The following CSMD1 variants were observed in gnomAD, a reference collection of about 807,000 sequenced individuals.
CSMD1 encodes CUB and Sushi multiple domains 1, also known as CUB and sushi domain-containing protein 1.
A neutral mutation model predicts 417.5 loss-of-function variants in CSMD1; 213 were observed. The ratio of observed to expected loss-of-function variants is 0.51; its 90% CI spans 0.46 to 0.57. The LOEUF is 0.57. Among genes scored for constraint, CSMD1 ranks in the 20% least tolerant of loss-of-function variants. The pLI is 0.00. For synonymous variants in CSMD1, 2,862 were observed against 1,736.8 expected, an observed-to-expected ratio of 1.65 and a Z score of -16.11; for missense variants, 6,923 against 4,529.7, an observed-to-expected ratio of 1.53 and a Z score of -15.17.
intron 5 of CSMD1, among the ~76,000 whole-genome samples, chr8:3,948,034 C>T (rs1357646216): frequency 2.0e-5 from 3 of 151,932 alleles, no homozygotes; most frequent in Non-Finnish European, 4.4e-5. Flanking sequence ...GGTAAAACCC[C>T]GTCTCTACTA....
At chr8:3,128,561 C>A in intron 41 of CSMD1, 1 of 274,284 alleles carries the variant, frequency 3.6e-6, no homozygotes, top group Non-Finnish European at 7.2e-6. Context: ...CAAGTAGAAC[C>A]TAGGAATGTT....
intron 2 of CSMD1, among the ~76,000 whole-genome samples, chr8:4,585,253 G>C (rs915704732): frequency 3.3e-5 from 5 of 152,088 alleles, no homozygotes; most frequent in East Asian, 1.9e-4. Context: ...ACAAAGACTG[G>C]AGTCACATGG....
intron 1 of CSMD1, among the ~76,000 whole-genome samples, chr8:4,940,629 C>T (rs1563821568): frequency 6.6e-6 from 1 of 152,152 alleles, no homozygotes; most frequent in African/African-American, 2.4e-5. Flanking sequence ...CAAATTCTCA[C>T]TTAGGCATTA....
intron 3 of CSMD1, among the ~76,000 whole-genome samples, chr8:4,042,282 C>T (rs919274091): frequency 4.6e-5 from 7 of 151,968 alleles, no homozygotes; most frequent in Admixed American, 1.3e-4. Context: ...TTAAAGCATC[C>T]CTACTAGTGG....
At chr8:4,513,763 G>A (rs979391755) in intron 2 of CSMD1, among the ~76,000 whole-genome samples, 1 of 152,114 alleles carries the variant, frequency 6.6e-6, no homozygotes, top group Non-Finnish European at 1.5e-5. Context: ...CATAAATTTC[G>A]ATGAAAATAA....
chr8:4,934,847 A>C (rs1169428659), intron 1 of CSMD1, among the ~76,000 whole-genome samples: 1 of 152,134 alleles, frequency 6.6e-6, no homozygotes, highest in Non-Finnish European at 1.5e-5. Flanking sequence ...TCTATCAATC[A>C]ATCAATCATC....
At chr8:4,263,879 C>T (rs531377702) in intron 3 of CSMD1, among the ~76,000 whole-genome samples, 1 of 152,146 alleles carries the variant, frequency 6.6e-6, no homozygotes, top group Non-Finnish European at 1.5e-5. Context: ...GACCAGAATG[C>T]TCAGAACAAT....
chr8:4,175,408 T>C (rs572861823), intron 3 of CSMD1, among the ~76,000 whole-genome samples: 46 of 152,294 alleles, frequency 3.0e-4, no homozygotes, highest in Middle Eastern at 3.4e-3. Flanking sequence ...CGCTATACTT[T>C]TATTGTTCAA....
intron 3 of CSMD1, among the ~76,000 whole-genome samples, chr8:4,243,705 C>G (rs949104031): frequency 1.3e-5 from 2 of 152,068 alleles, no homozygotes; most frequent in East Asian, 3.9e-4. Flanking sequence ...CTCATGGTAT[C>G]GTACATCCAT....
chr8:3,655,489 G>C (rs1283439407), intron 7 of CSMD1, among the ~76,000 whole-genome samples: 1 of 151,980 alleles, frequency 6.6e-6, no homozygotes, highest in East Asian at 1.9e-4. Context: ...TCAGAAATAG[G>C]TTTGGCATAA....
intron 10 of CSMD1, among the ~76,000 whole-genome samples, chr8:3,497,046 T>C (rs1796395147): frequency 6.6e-6 from 1 of 152,198 alleles, no homozygotes; most frequent in African/African-American, 2.4e-5. Context: ...TTGACCCTTG[T>C]TTTGTGGGAT....
intron 5 of CSMD1, among the ~76,000 whole-genome samples, chr8:3,829,536 G>C (rs1407730338): frequency 6.6e-6 from 1 of 152,136 alleles, no homozygotes; most frequent in African/African-American, 2.4e-5. Flanking sequence ...ATGATTACAT[G>C]AGTTTGGGAG....
chr8:4,098,929 C>T (rs1433234399), intron 3 of CSMD1, among the ~76,000 whole-genome samples: 1 of 152,016 alleles, frequency 6.6e-6, no homozygotes, highest in East Asian at 1.9e-4. Context: ...GACTGGGGTA[C>T]AACACAGAAA....
chr8:3,364,478 C>T (rs988236338), intron 20 of CSMD1, among the ~76,000 whole-genome samples: 4 of 152,162 alleles, frequency 2.6e-5, no homozygotes, highest in African/African-American at 9.7e-5. Context: ...TTGTTGTTGG[C>T]TTGCTTGTTT....
At chr8:3,838,980 A>G (rs1332705920) in intron 5 of CSMD1, among the ~76,000 whole-genome samples, 1 of 124,606 alleles carries the variant, frequency 8.0e-6, no homozygotes, top group Admixed American at 9.8e-5. Context: ...TATATAATAT[A>G]TTATATATCA....
chr8:4,663,393 T>G (rs754977872), intron 1 of CSMD1, among the ~76,000 whole-genome samples: 7 of 152,204 alleles, frequency 4.6e-5, no homozygotes, highest in Non-Finnish European at 1.0e-4. Flanking sequence ...TGGAAGATGC[T>G]AAGTGATTGG....
chr8:4,565,462 G>A (rs887594745), intron 2 of CSMD1, among the ~76,000 whole-genome samples: 3 of 152,056 alleles, frequency 2.0e-5, no homozygotes, highest in South Asian at 2.1e-4. Flanking sequence ...TTTAGCCCAG[G>A]CATAGTGGCT....
intron 3 of CSMD1, among the ~76,000 whole-genome samples, chr8:4,403,841 C>G (rs1325363290): frequency 2.0e-5 from 3 of 152,116 alleles, no homozygotes; most frequent in Non-Finnish European, 4.4e-5. Context: ...CATTGGGTGT[C>G]TGATTGGGAA....
At chr8:4,590,114 A>G (rs1033611416) in intron 2 of CSMD1, among the ~76,000 whole-genome samples, 3 of 152,144 alleles carry the variant, frequency 2.0e-5, no homozygotes, top group African/African-American at 7.2e-5. Flanking sequence ...TTTATTTAGA[A>G]TAACATGCAA....
Sources: allele counts gnomAD v4.1 joint callset (sites outside exome capture counted in the v4.1 genomes callset), GRCh38; gene constraint gnomAD v4.1.1; transcripts MANE v1.5; gene names NCBI Gene and HGNC (gene_info 2026-07-23, HGNC 2026-07-21).